Variants in NKAIN2 observed in about 807,000 individuals in gnomAD.
NKAIN2 encodes the protein sodium/potassium-transporting ATPase subunit beta-1-interacting protein 2.
In NKAIN2, 14 loss-of-function variants were observed where a neutral mutation model predicts 32.6. The ratio of observed to expected loss-of-function variants is 0.43; its 90% CI spans 0.28 to 0.67. The LOEUF is 0.67. Among genes scored for constraint, NKAIN2 ranks in the 30% least tolerant of loss-of-function variants. The pLI, the probability that NKAIN2 is intolerant of heterozygous loss-of-function variation, is 0.17. For missense variants in NKAIN2, 198 were observed against 258.3 expected, an observed-to-expected ratio of 0.77 and a Z score of 1.60; for synonymous variants, 80 against 87.2, an observed-to-expected ratio of 0.92 and a Z score of 0.46.
rs530572194 is a variant in NKAIN2 at position 124,022,140 on chromosome 6, C to T, written c.54+217886C>T. Among the ~76,000 whole-genome samples, 52 of 150,566 alleles carry T rather than the reference C, an allele frequency of 3.5e-4. 1 individual carries two copies. In the South Asian group the frequency reaches 1.0e-2, roughly 29 times the overall value. On this transcript the variant is annotated intron_variant, in intron 1 of 6. Coordinates refer to ENST00000368417, the MANE Select transcript of NKAIN2 (RefSeq NM_001040214.3). ...ATTCCCACCTATGAGTGAGAACATG[C>T]GGTGTTTGGTTTTCTGTCCTTGAGA...
At chr6:124,746,780 G>A (rs79647157) in intron 4 of NKAIN2, among the ~76,000 whole-genome samples, 1,534 of 151,796 alleles carry the variant, frequency 0.01, 16 homozygotes, top group African/African-American at 0.035. Flanking sequence ...TTCTAGACTC[G>A]GTTCTACCAT....
At chr6:124,469,552 G>C (rs754009072) in intron 3 of NKAIN2, among the ~76,000 whole-genome samples, 4 of 152,050 alleles carry the variant, frequency 2.6e-5, no homozygotes, top group Non-Finnish European at 5.9e-5. Context: ...GTCTATTATG[G>C]TCCTTTTTTA....
At chr6:124,625,966 A>G (rs34305253) in intron 3 of NKAIN2, among the ~76,000 whole-genome samples, 53,481 of 147,726 alleles carry the variant, frequency 0.36, 9,972 homozygotes, top group South Asian at 0.5. Flanking sequence ...ATTATACTTT[A>G]AGTTTTAGGG....
At chr6:124,138,227 G>GA (rs1167513339) in intron 1 of NKAIN2, among the ~76,000 whole-genome samples, 1 of 151,964 alleles carries the variant, frequency 6.6e-6, no homozygotes, top group African/African-American at 2.4e-5. Flanking sequence ...CAACAAACAT[G>GA]AAAAAATGTT....
intron 3 of NKAIN2, among the ~76,000 whole-genome samples, chr6:124,469,587 T>C (rs954072576): frequency 2.0e-5 from 3 of 152,188 alleles, no homozygotes; most frequent in African/African-American, 4.8e-5. Flanking sequence ...ACAACAATCA[T>C]ATAAAGCTAT....
At chr6:124,081,491 T>G (rs1201896161) in intron 1 of NKAIN2, among the ~76,000 whole-genome samples, 2 of 152,134 alleles carry the variant, frequency 1.3e-5, no homozygotes, top group African/African-American at 4.8e-5. Context: ...GTATTATCTT[T>G]AGAATGTCTA....
At chr6:124,188,186 G>A (rs911514244) in intron 1 of NKAIN2, among the ~76,000 whole-genome samples, 1 of 152,142 alleles carries the variant, frequency 6.6e-6, no homozygotes, top group Non-Finnish European at 1.5e-5. Flanking sequence ...TGGTCCAATA[G>A]CATCATATCA....
chr6:124,102,406 T>C (rs1016506372), intron 1 of NKAIN2, among the ~76,000 whole-genome samples: 16 of 152,228 alleles, frequency 1.1e-4, no homozygotes, highest in Admixed American at 1.0e-3. Context: ...TGTTAACTTA[T>C]CTTGGAAAAC....
At chr6:123,826,283 T>C (rs939521592) in intron 1 of NKAIN2, among the ~76,000 whole-genome samples, 2 of 152,038 alleles carry the variant, frequency 1.3e-5, no homozygotes, top group Non-Finnish European at 2.9e-5. Flanking sequence ...ACGCCATGGG[T>C]TTTTTAGTTC....
intron 1 of NKAIN2, among the ~76,000 whole-genome samples, chr6:124,268,635 T>C (rs916899875): frequency 6.6e-6 from 1 of 151,982 alleles, no homozygotes; most frequent in Non-Finnish European, 1.5e-5. Flanking sequence ...GATGAGTTCA[T>C]GGAACTAGAA....
chr6:124,683,606 G>A (rs1037291728), intron 4 of NKAIN2, among the ~76,000 whole-genome samples: 7 of 152,118 alleles, frequency 4.6e-5, no homozygotes, highest in Admixed American at 2.0e-4. Flanking sequence ...GCTTTCATCA[G>A]CCTCCAGGGT....
chr6:124,034,264 T>A (rs6940166), intron 1 of NKAIN2, among the ~76,000 whole-genome samples: 7,450 of 152,078 alleles, frequency 0.049, 609 homozygotes, highest in African/African-American at 0.17. Context: ...TTAACAGTTT[T>A]TCAACTCTTG....
chr6:123,904,500 G>A (rs954093298), intron 1 of NKAIN2, among the ~76,000 whole-genome samples: 1 of 152,206 alleles, frequency 6.6e-6, no homozygotes, highest in Non-Finnish European at 1.5e-5. Context: ...GTTGTTTCCC[G>A]GGTTACCCTC....
intron 3 of NKAIN2, among the ~76,000 whole-genome samples, chr6:124,586,461 G>T (rs1332556954): frequency 6.6e-6 from 1 of 152,030 alleles, no homozygotes; most frequent in Non-Finnish European, 1.5e-5. Flanking sequence ...CTGGAAGGAG[G>T]GTGAGGATCA....
intron 4 of NKAIN2, among the ~76,000 whole-genome samples, chr6:124,663,246 G>A (rs1380050204): frequency 6.6e-6 from 1 of 151,994 alleles, no homozygotes; most frequent in Non-Finnish European, 1.5e-5. Flanking sequence ...TCAACATGGT[G>A]AAACCCATCT....
intron 1 of NKAIN2, among the ~76,000 whole-genome samples, chr6:124,232,129 A>G (rs1421121181): frequency 6.6e-6 from 1 of 152,098 alleles, no homozygotes; most frequent in African/African-American, 2.4e-5. Flanking sequence ...TAATTTCTCA[A>G]CTTATCACTA....
At chr6:124,470,702 T>C (rs938741161) in intron 3 of NKAIN2, among the ~76,000 whole-genome samples, 1 of 152,110 alleles carries the variant, frequency 6.6e-6, no homozygotes, top group Non-Finnish European at 1.5e-5. Flanking sequence ...AAAGGTGTTC[T>C]GCAAGCCATA....
intron 2 of NKAIN2, among the ~76,000 whole-genome samples, chr6:124,304,261 C>G (rs943191313): frequency 3.9e-5 from 6 of 152,232 alleles, no homozygotes; most frequent in African/African-American, 1.2e-4. Flanking sequence ...TATTCATTGA[C>G]TGAAACTTCT....
rs373952467 is a variant in NKAIN2 at position 123,964,614 on chromosome 6, A to C, written c.54+160360A>C. On this transcript the variant is annotated intron_variant, in intron 1 of 6. Transcript: ENST00000368417. This position sits in a 1 kb window ranked among gnomAD's most constrained non-coding sequence, Gnocchi z 4.0. Reference sequence around the variant, plus strand: ...GTATGTAAGAGTTCTAAAAATTATTAAAGGTTTGAGAAATAATTTTTAAGA... The same window carrying C: ...GTATGTAAGAGTTCTAAAAATTATTCAAGGTTTGAGAAATAATTTTTAAGA... Among the ~76,000 whole-genome samples, 10 of 152,200 alleles carry C rather than the reference A, an allele frequency of 6.6e-5. No individual in the cohort carries two copies. The highest frequency in any genetic ancestry group is 1.0e-4 in the Non-Finnish European group (7 of 68,040).
Sources: gnomAD v4.1 joint callset for allele counts (sites outside exome capture counted in the v4.1 genomes callset) on GRCh38, gnomAD v4.1.1 for gene constraint, Gnocchi (gnomAD v3.1) non-coding constraint, MANE v1.5 for transcripts, NCBI Gene and HGNC (gene_info 2026-07-23, HGNC 2026-07-21) for gene names.